The following NSMF variants were observed in gnomAD, a reference collection of about 807,000 sequenced individuals.
NSMF encodes the protein NMDA receptor synaptonuclear signaling and neuronal migration factor.
A neutral mutation model predicts 71.0 loss-of-function variants in NSMF; 31 were observed. The observed-to-expected ratio is 0.44, with a 90% CI of 0.33 to 0.59. The LOEUF (loss-of-function observed/expected upper bound fraction) is 0.59. NSMF is among the 20% of genes least tolerant of loss of function. The pLI is 0.04. For missense variants in NSMF, 673 were observed against 740.5 expected (o/e 0.91, Z 1.06); for synonymous variants, 345 against 287.1 (o/e 1.20, Z -2.04).
In NSMF at chr9:137,457,914, CTG is replaced by C; in HGVS notation, c.134-15_134-14del. 6.5e-7 allele frequency: 1 copy of C among 1,539,364 alleles called. No individual in the cohort carries two copies. Among genetic ancestry groups the C allele is most frequent in the South Asian group, 1.2e-5 (1 of 84,220 alleles). On this transcript the variant is annotated splice_polypyrimidine_tract_variant and intron_variant, in intron 2 of 15. Transcript: ENST00000371475. ...GCCAGCAGGTGATCTAGGAGAGACA[CTG>C]AGTGAGCCTGCCTGCCGCGTGTGGG...
At position 137,453,575 on chromosome 9, in the gene NSMF, G is replaced by A. The variant is rs1286200638; in HGVS notation, c.922+156C>T. On this transcript the variant is annotated intron_variant, in intron 8 of 15. Transcript: ENST00000371475. This position sits in a 1 kb window ranked among gnomAD's most constrained non-coding sequence, Gnocchi z 4.5. ...CGTTGTTAGCCCCGCCTTTGCGATC[G>A]GAGATGCTGAGGGCGTCCCCATCTC... The A allele has an allele frequency of 1.4e-5, 9 of 648,082 alleles. No individual in the cohort carries two copies. The highest frequency in any genetic ancestry group is 5.9e-5 in the South Asian group (3 of 50,982). 40.1% of individuals were successfully genotyped at this position (648,082 alleles called of 1,614,324 possible). A position where few individuals can be genotyped will look rare whatever the true frequency, so the allele number is the denominator to read the frequency against.
rs3793468 is a variant in NSMF, at chr9:137,455,835, C to T, written c.705-201G>A. On this transcript the variant is annotated intron_variant, in intron 4 of 15. Transcript: ENST00000371475. ...GAATGGGCAACGGAAGCTGATGTCA[C>T]TGCAGCCCATGCCACAAGGACTGGT... is the stretch of plus-strand genomic sequence containing the variant. Among the ~76,000 whole-genome samples the T allele has an allele frequency of 0.26, 39,681 of 152,260 alleles. 6,073 individuals are homozygous for T. The highest frequency in any genetic ancestry group is 0.34 in the Non-Finnish European group (23,205 of 67,998).
At position 137,453,860 on chromosome 9, in the gene NSMF, G is replaced by T; in HGVS notation, c.833-40C>A. 1 of 1,523,960 alleles carries T rather than the reference G, an allele frequency of 6.6e-7. No homozygotes were observed. The highest frequency in any genetic ancestry group is 8.8e-7 in the Non-Finnish European group (1 of 1,132,512). 94.4% of individuals were successfully genotyped at this position (1,523,960 alleles called of 1,614,324 possible). A position where few individuals can be genotyped will look rare whatever the true frequency, so the allele number is the denominator to read the frequency against. On this transcript the variant is annotated intron_variant, in intron 7 of 15. Coordinates refer to ENST00000371475, the MANE Select transcript of NSMF (RefSeq NM_001130969.3). This position sits in a 1 kb window ranked among gnomAD's most constrained non-coding sequence, Gnocchi z 4.5. ...ACCCGCATTAGCGAGCGGGTGGGGC[G>T]GGGCCTCGGGAGTCTCAGACCCCAG...
At chr9:137,454,319 G>A in intron 7 of NSMF, 72 bp downstream of exon 7, 1 of 1,427,686 alleles carries the variant, frequency 7.0e-7, no homozygotes. Flanking sequence ...TCTTATCGCA[G>A]CTAGCAGCAA....
rs1839777212 is a variant in NSMF, at chr9:137,449,317, G to C, written c.*77C>G. 1 of 1,238,080 alleles carries C rather than the reference G, an allele frequency of 8.1e-7. No homozygotes were observed. Among genetic ancestry groups the C allele is most frequent in the Admixed American group, 1.8e-5 (1 of 55,558 alleles). 76.7% of individuals were successfully genotyped at this position (1,238,080 alleles called of 1,614,324 possible). A position where few individuals can be genotyped will look rare whatever the true frequency, so the allele number is the denominator to read the frequency against. On this transcript the variant is annotated 3_prime_UTR_variant, in exon 16 of 16. Transcript: ENST00000371475. ...GAGACCGGAGCCACACAGTCCCGGG[G>C]AGCACGAGGCGGCCCAGCCCCAGGT...
intron 7 of NSMF, among the ~76,000 whole-genome samples, 189 bp from the exon 8 acceptor site, chr9:137,454,009 C>T (rs892812158): frequency 1.3e-5 from 2 of 151,560 alleles, no homozygotes; most frequent in Admixed American, 6.6e-5. Flanking sequence ...AACACTGGGG[C>T]AGGGCCAGAG....
chr9:137,458,945 C>G, intron 1 of NSMF, 87 bp downstream of exon 1: 2 of 1,079,730 alleles, frequency 1.9e-6, no homozygotes, highest in Non-Finnish European at 2.4e-6. Flanking sequence ...GGCCCGGGAG[C>G]CCGGGGAGCA....
chr9:137,453,338 C>G lies in NSMF; in HGVS notation c.923-158G>C. The G allele has an allele frequency of 2.0e-6, 2 of 979,526 alleles. No individual in the cohort carries two copies. Among genetic ancestry groups the G allele is most frequent in the Non-Finnish European group, 3.0e-6 (2 of 656,402 alleles). The allele number at this position is 979,526 out of a possible 1,614,324, so 60.7% of individuals were successfully genotyped here. A position where few individuals can be genotyped will look rare whatever the true frequency, so the allele number is the denominator to read the frequency against. On this transcript the variant is annotated intron_variant, in intron 8 of 15. Coordinates refer to ENST00000371475, the MANE Select transcript of NSMF (RefSeq NM_001130969.3). This position sits in a 1 kb window ranked among gnomAD's most constrained non-coding sequence, Gnocchi z 4.5. ...GTCGCCGCCAGCCCGGCAGGACAGG[C>G]CTGTGGACACCACTGGGCAGCGGCC...
At chr9:137,456,586 CAGA>C in intron 3 of NSMF, 100 bp from the exon 4 acceptor site, 1 of 777,952 alleles carries the variant, frequency 1.3e-6, no homozygotes, top group South Asian at 1.3e-5. Context: ...CAGGGGTCAG[CAGA>C]AGCTGGCAGC....
chr9:137,458,940 G>C (rs1224862474), intron 1 of NSMF, 92 bp downstream of exon 1: 19 of 1,044,254 alleles, frequency 1.8e-5, no homozygotes, highest in Non-Finnish European at 2.3e-5. Context: ...GCCGGGGCCC[G>C]GGAGCCCGGG....
intron 6 of NSMF, chr9:137,454,982 G>C: frequency 1.4e-6 from 1 of 719,616 alleles, no homozygotes; most frequent in Non-Finnish European, 2.6e-6. Flanking sequence ...TGTGTGATTG[G>C]AGTGGGGGAG....
chr9:137,454,537 C>T (rs769784203), intron 6 of NSMF, 94 bp from the exon 7 acceptor site: 116 of 1,549,296 alleles, frequency 7.5e-5, no homozygotes, highest in Non-Finnish European at 9.4e-5. Flanking sequence ...TCTACTCTCA[C>T]CCCTTCGGTG....
At chr9:137,458,915 G>T (rs1831026499) in intron 1 of NSMF, 117 bp downstream of exon 1, 1 of 774,270 alleles carries the variant, frequency 1.3e-6, no homozygotes, top group Non-Finnish European at 1.9e-6. Flanking sequence ...CGGGGAGGGC[G>T]CCTCAGTGGC....
intron 15 of NSMF, 38 bp from the exon 16 acceptor site, chr9:137,449,529 G>A: frequency 6.2e-7 from 1 of 1,610,578 alleles, no homozygotes; most frequent in Non-Finnish European, 8.5e-7. Flanking sequence ...GGCCTGGCCG[G>A]CCCTGGGGAT....
At chr9:137,456,209 G>A (rs879875062) in intron 4 of NSMF, among the ~76,000 whole-genome samples, 1 of 138,706 alleles carries the variant, frequency 7.2e-6, no homozygotes, top group South Asian at 2.1e-4. Context: ...TGTGTGTGTG[G>A]GGGGGGGGGC....
At chr9:137,452,341 C>G (rs368129260) in intron 12 of NSMF, 24 bp downstream of exon 12, 169 of 1,607,562 alleles carry the variant, frequency 1.1e-4, no homozygotes, top group Non-Finnish European at 1.4e-4. Flanking sequence ...TTCTCCTGGT[C>G]AGGAGACGAG....
chr9:137,456,346 C>T, intron 4 of NSMF, 65 bp downstream of exon 4: 3 of 1,293,514 alleles, frequency 2.3e-6, no homozygotes, highest in Non-Finnish European at 3.4e-6. Flanking sequence ...GGAAAAAGTG[C>T]TGTTTCCTGA....
chr9:137,450,060 G>T (rs373466577), intron 13 of NSMF, 35 bp from the exon 14 acceptor site: 5 of 1,598,808 alleles, frequency 3.1e-6, no homozygotes, highest in Non-Finnish European at 3.4e-6. Context: ...AGTGGCAGGG[G>T]ACAGGCACCC....
At position 137,458,473 on chromosome 9, in the gene NSMF, C is replaced by T. The variant is rs1830978924; in HGVS notation, c.133+15G>A. On this transcript the variant is annotated intron_variant, in intron 2 of 15. Transcript: ENST00000371475. ...GGGGTCTGGGCGGCCCTGGCACGGC[C>T]TCGCGTGCCCCTACCTGCGCCGTTG... is the stretch of plus-strand genomic sequence containing the variant. 1.3e-6 allele frequency: 2 copies of T among 1,572,384 alleles called. No individual in the cohort carries two copies. Among genetic ancestry groups the T allele is most frequent in the Admixed American group, 1.8e-5 (1 of 55,192 alleles).
Sources: allele counts gnomAD v4.1 joint callset (sites outside exome capture counted in the v4.1 genomes callset), GRCh38; gene constraint gnomAD v4.1.1; non-coding constraint Gnocchi (gnomAD v3.1); transcripts MANE v1.5; gene names NCBI Gene and HGNC (gene_info 2026-07-23, HGNC 2026-07-21).